NKAIN3: variants seen among roughly 807,000 people sequenced by gnomAD.
NKAIN3 encodes the protein sodium/potassium-transporting ATPase subunit beta-1-interacting protein 3.
A neutral mutation model predicts 30.2 loss-of-function variants in NKAIN3; 25 were observed. The observed-to-expected ratio is 0.83, with a 90% CI of 0.60 to 1.16. NKAIN3 has a LOEUF of 1.16. NKAIN3 is among the 50% of genes most tolerant of loss of function. The probability of loss-of-function intolerance (pLI) is 0.00; values close to 1 mark genes in which losing one functional copy is unlikely to be tolerated. For synonymous variants in NKAIN3, 91 were observed against 89.6 expected, an observed-to-expected ratio of 1.02 and a Z score of -0.09; for missense variants, 225 against 254.1, an observed-to-expected ratio of 0.89 and a Z score of 0.78.
At chr8:62,960,127 CA>C (rs1269771480) in intron 6 of NKAIN3, among the ~76,000 whole-genome samples, 8 of 152,224 alleles carry the variant, frequency 5.3e-5, no homozygotes, top group African/African-American at 1.4e-4. Context: ...ATAGCTTACG[CA>C]GTTCAGACTT....
At position 62,642,135 on chromosome 8, in the gene NKAIN3, C is replaced by T. The variant is rs116125919; in HGVS notation, c.273+52341C>T. Among the ~76,000 whole-genome samples, 744 of 152,074 alleles carry T rather than the reference C, an allele frequency of 4.9e-3. 7 individuals are homozygous for T. The highest frequency in any genetic ancestry group is 0.017 in the African/African-American group (710 of 41,508). On this transcript the variant is annotated intron_variant, in intron 3 of 6. Transcript: ENST00000623646. Reference sequence around the variant, plus strand: ...TAAAGTTTAGAAGTTGAGAAAATAACGATGACAAAAACAATGCTCCTACAC... The same window carrying T: ...TAAAGTTTAGAAGTTGAGAAAATAATGATGACAAAAACAATGCTCCTACAC...
chr8:62,474,531 G>GA (rs1280851775), intron 1 of NKAIN3, among the ~76,000 whole-genome samples: 1 of 151,886 alleles, frequency 6.6e-6, no homozygotes, highest in South Asian at 2.1e-4. Flanking sequence ...CTTATAGCCA[G>GA]AAAAAAAGAC....
At chr8:62,890,110 G>A (rs1362929661) in intron 4 of NKAIN3, among the ~76,000 whole-genome samples, 1 of 152,142 alleles carries the variant, frequency 6.6e-6, no homozygotes, top group Non-Finnish European at 1.5e-5. Context: ...TCAGCTGTTG[G>A]AATCCACAAC....
chr8:62,824,724 C>A (rs1194160798), intron 4 of NKAIN3, among the ~76,000 whole-genome samples: 1 of 152,114 alleles, frequency 6.6e-6, no homozygotes, highest in African/African-American at 2.4e-5. Context: ...CTATTTAGAG[C>A]CTCTTCTATA....
chr8:62,497,968 C>A (rs971474900), intron 1 of NKAIN3, among the ~76,000 whole-genome samples: 4 of 152,208 alleles, frequency 2.6e-5, no homozygotes, highest in East Asian at 1.9e-4. Context: ...TGGATTCAAA[C>A]CCTCTCTTGC....
intron 1 of NKAIN3, among the ~76,000 whole-genome samples, chr8:62,340,392 G>T (rs570158246): frequency 7.2e-5 from 11 of 152,008 alleles, no homozygotes; most frequent in Middle Eastern, 3.4e-3. Context: ...GCTTGCTTTG[G>T]GGGAGAGGAG....
intron 1 of NKAIN3, among the ~76,000 whole-genome samples, chr8:62,539,175 T>C (rs1808763189): frequency 6.6e-6 from 1 of 152,210 alleles, no homozygotes; most frequent in Non-Finnish European, 1.5e-5. Flanking sequence ...TCTGAAATGA[T>C]ATCCATTCCT....
chr8:62,318,271 T>A (rs751602568), intron 1 of NKAIN3, among the ~76,000 whole-genome samples: 1 of 152,162 alleles, frequency 6.6e-6, no homozygotes, highest in Non-Finnish European at 1.5e-5. Flanking sequence ...ACCCTTTATT[T>A]CCTCTCCTGC....
intron 1 of NKAIN3, among the ~76,000 whole-genome samples, chr8:62,478,496 A>G (rs1032402746): frequency 6.6e-6 from 1 of 152,202 alleles, no homozygotes; most frequent in Non-Finnish European, 1.5e-5. Flanking sequence ...GAAGTCCTTC[A>G]CATCCAGCTT....
chr8:62,820,181 C>G (rs537262731), intron 4 of NKAIN3, among the ~76,000 whole-genome samples: 15 of 152,158 alleles, frequency 9.9e-5, no homozygotes, highest in African/African-American at 3.6e-4. Flanking sequence ...TGCAGATTTG[C>G]AACGAAGGAA....
chr8:62,990,543 A>C (rs1300787893), intron 5 of NKAIN3: 1 of 290,488 alleles, frequency 3.4e-6, no homozygotes, highest in East Asian at 1.1e-4. Context: ...GTGAAATCTG[A>C]TTTTACTTTT....
At chr8:62,279,094 A>G (rs776286619) in intron 1 of NKAIN3, among the ~76,000 whole-genome samples, 1 of 152,142 alleles carries the variant, frequency 6.6e-6, no homozygotes, top group Non-Finnish European at 1.5e-5. Flanking sequence ...ATTGTGTCTC[A>G]TAGTGGTTTT....
intron 3 of NKAIN3, among the ~76,000 whole-genome samples, chr8:62,693,167 A>G (rs1814035674): frequency 3.3e-5 from 5 of 152,204 alleles, no homozygotes; most frequent in Non-Finnish European, 7.3e-5. Context: ...GGTGCTTCAA[A>G]TTGTGTAGGA....
intron 4 of NKAIN3, among the ~76,000 whole-genome samples, chr8:62,841,462 C>G (rs748743516): frequency 3.3e-5 from 5 of 152,186 alleles, no homozygotes; most frequent in Admixed American, 6.6e-5. Context: ...TCCACATTCT[C>G]TCACTCCTCC....
At chr8:62,842,780 A>T (rs918589723) in intron 4 of NKAIN3, among the ~76,000 whole-genome samples, 2 of 152,122 alleles carry the variant, frequency 1.3e-5, no homozygotes, top group Admixed American at 6.6e-5. Context: ...CTATTCAATA[A>T]ATTGTTCAAG....
At chr8:62,986,802 G>A (rs377696981), downstream of NKAIN3, among the ~76,000 whole-genome samples, 8 of 152,020 alleles carry the variant, frequency 5.3e-5, no homozygotes, top group East Asian at 3.9e-4. Flanking sequence ...AATCTGAGCC[G>A]TGTTTTATCA....
At chr8:62,381,431 G>A (rs1443520215) in intron 1 of NKAIN3, among the ~76,000 whole-genome samples, 6 of 151,836 alleles carry the variant, frequency 4.0e-5, no homozygotes, top group South Asian at 2.1e-4. Flanking sequence ...CTCTACCCTC[G>A]AAAGTCAAGC....
intron 4 of NKAIN3, among the ~76,000 whole-genome samples, chr8:62,880,465 C>T (rs1820941002): frequency 6.6e-6 from 1 of 152,100 alleles, no homozygotes; most frequent in Non-Finnish European, 1.5e-5. Context: ...AGTCTGGGCC[C>T]AAAACTTAGC....
chr8:62,446,266 G>A (rs988691061), intron 1 of NKAIN3, among the ~76,000 whole-genome samples: 5 of 152,016 alleles, frequency 3.3e-5, no homozygotes, highest in African/African-American at 1.2e-4. Context: ...GATCAGACAC[G>A]ATTATAACAC....
Sources: gnomAD v4.1 joint callset for allele counts (sites outside exome capture counted in the v4.1 genomes callset) on GRCh38, gnomAD v4.1.1 for gene constraint, MANE v1.5 for transcripts, NCBI Gene and HGNC (gene_info 2026-07-23, HGNC 2026-07-21) for gene names.